The following CIB1 variants were observed in gnomAD, a reference collection of about 807,000 sequenced individuals.
CIB1 encodes the protein calcium and integrin-binding protein 1.
A neutral mutation model predicts 25.0 loss-of-function variants in CIB1; 19 were observed. That is an observed-to-expected ratio of 0.76 (90% CI 0.53 to 1.12). The LOEUF (loss-of-function observed/expected upper bound fraction) is 1.12. CIB1 is among the 50% of genes most tolerant of loss of function. The pLI is 0.00. For synonymous variants in CIB1, 104 were observed against 98.5 expected, an observed-to-expected ratio of 1.06 and a Z score of -0.33; for missense variants, 236 against 242.6, an observed-to-expected ratio of 0.97 and a Z score of 0.18.
At chr15:90,247,667 T>C in the CIB1 span, among the ~76,000 whole-genome samples, 2 of 151,688 alleles carry the variant, frequency 1.3e-5, no homozygotes, top group Non-Finnish European at 1.5e-5. Flanking sequence ...ATACATTTGC[T>C]GTGGCTGAAC....
At chr15:90,257,522 G>C in the CIB1 span, 3 of 1,063,038 alleles carry the variant, frequency 2.8e-6, no homozygotes, top group Non-Finnish European at 1.4e-6. Context: ...CTCTGGTGGA[G>C]AGAGACAGGA....
intron 2 of CIB1, 134 bp downstream of exon 2, chr15:90,233,535 C>A (rs1007127841): frequency 6.9e-6 from 8 of 1,161,938 alleles, no homozygotes; most frequent in African/African-American, 1.5e-5. Context: ...GCAGCCCGGG[C>A]TAGGTCTCCC....
the CIB1 span, chr15:90,258,201 T>C: frequency 6.2e-7 from 1 of 1,614,246 alleles, no homozygotes; most frequent in Non-Finnish European, 8.5e-7. Context: ...TGGAGGTACA[T>C]GTGCCTGTTT....
chr15:90,234,991 T>C (rs1366622158), upstream of CIB1, among the ~76,000 whole-genome samples: 1 of 152,216 alleles, frequency 6.6e-6, no homozygotes. Flanking sequence ...TTGCTGATCT[T>C]TGTAAAGTCT....
the CIB1 span, chr15:90,257,567 A>G: frequency 7.1e-7 from 1 of 1,415,206 alleles, no homozygotes; most frequent in Non-Finnish European, 9.9e-7. Context: ...GGGAGCAACA[A>G]GGTAATGAAG....
At chr15:90,243,648 T>TTTTTTG in the CIB1 span, 2 of 74,526 alleles carry the variant, frequency 2.7e-5, no homozygotes, top group African/African-American at 7.9e-5. Flanking sequence ...AGGTTTTTTT[T>TTTTTTG]TTTTTTTTTT....
chr15:90,262,296 A>C, the CIB1 span: 1 of 1,267,760 alleles, frequency 7.9e-7, no homozygotes. Context: ...GCAAAGAGGA[A>C]TGGAGCTATA....
chr15:90,257,498 C>G, the CIB1 span: 1 of 986,292 alleles, frequency 1.0e-6, no homozygotes, highest in Admixed American at 2.5e-5. Flanking sequence ...CCAGGATCAT[C>G]TAGAATAGCA....
At chr15:90,263,033 T>C in the CIB1 span, 1 of 1,536,100 alleles carries the variant, frequency 6.5e-7, no homozygotes, top group African/African-American at 1.4e-5. Flanking sequence ...CTGGAGCGGA[T>C]GAAGGCCCTG....
At chr15:90,251,114 CTTT>C in the CIB1 span, among the ~76,000 whole-genome samples, 5 of 104,638 alleles carry the variant, frequency 4.8e-5, no homozygotes, top group Admixed American at 1.2e-4. Flanking sequence ...CCTGGTCTGT[CTTT>C]TTTTTTTTTT....
the CIB1 span, chr15:90,250,477 T>C: frequency 1.7e-4 from 144 of 862,006 alleles, no homozygotes; most frequent in Admixed American, 3.2e-4. Context: ...CATTCCTCAG[T>C]GAAACAGTTT....
At chr15:90,252,190 C>T in the CIB1 span, among the ~76,000 whole-genome samples, 1 of 152,268 alleles carries the variant, frequency 6.6e-6, no homozygotes, top group South Asian at 2.1e-4. Context: ...CAGGCATGTG[C>T]CACCACATCT....
At chr15:90,244,765 G>A in the CIB1 span, 1 of 152,336 alleles carries the variant, frequency 6.6e-6, no homozygotes, top group African/African-American at 2.4e-5. Context: ...GTTGCAGTGA[G>A]CTGAGATTGC....
At chr15:90,240,911 G>A in the CIB1 span, 17 of 1,611,258 alleles carry the variant, frequency 1.1e-5, no homozygotes, top group Non-Finnish European at 1.4e-5. Context: ...TCAGCTCTAT[G>A]GCTCTTCCAC....
chr15:90,252,625 C>T, the CIB1 span, among the ~76,000 whole-genome samples: 1 of 152,294 alleles, frequency 6.6e-6, no homozygotes, highest in South Asian at 2.1e-4. Context: ...TAAGGAACCA[C>T]ACAAGTATGG....
upstream of CIB1, chr15:90,234,045 GC>G (rs1450144173): frequency 9.6e-6 from 8 of 834,690 alleles, no homozygotes; most frequent in Non-Finnish European, 1.4e-5. Context: ...GGCGTTCCCA[GC>G]CGGGTTTGGC....
rs1402203366 is a variant in CIB1 at position 90,233,851 on chromosome 15, A to T, written c.35T>A (p.Leu12Gln). Residue 12 changes from leucine (L) to glutamine (Q), a missense_variant, in exon 1 of 7, where the codon CTG becomes CAG. By Grantham distance (113) the Leu-to-Gln change is moderately radical. Transcript: ENST00000328649. ...GGSGSRLSKE[L>Q]LAEYQDLTFL... Reference sequence around the variant, plus strand: ...CCCGCGCACCTGGTACTCGGCCAGCAGCTCCTTGGACAGGCGACTGCCCGA... The same window carrying T: ...CCCGCGCACCTGGTACTCGGCCAGCTGCTCCTTGGACAGGCGACTGCCCGA... The T allele has an allele frequency of 6.5e-7, 1 of 1,532,862 alleles. No individual in the cohort carries two copies. Among genetic ancestry groups the T allele is most frequent in the East Asian group, 2.4e-5 (1 of 40,876 alleles). 95.0% of individuals were successfully genotyped at this position (1,532,862 alleles called of 1,614,324 possible).
chr15:90,257,635 A>C, the CIB1 span: 1 of 1,614,104 alleles, frequency 6.2e-7, no homozygotes. Context: ...CTCTTTCCAC[A>C]GGACAATGTC....
chr15:90,248,348 G>T, the CIB1 span, among the ~76,000 whole-genome samples: 1 of 152,192 alleles, frequency 6.6e-6, no homozygotes, highest in African/African-American at 2.4e-5. Flanking sequence ...ACATGAATAT[G>T]TGGGCAAAGA....
Sources: gnomAD v4.1 joint callset for allele counts (sites outside exome capture counted in the v4.1 genomes callset) on GRCh38, gnomAD v4.1.1 for gene constraint, MANE v1.5 for transcripts, NCBI Gene and HGNC (gene_info 2026-07-23, HGNC 2026-07-21) for gene names.